The following ZNF83 variants were observed in gnomAD, a reference collection of about 807,000 sequenced individuals.
ZNF83 encodes the protein zinc finger protein 816B.
For missense variants in ZNF83, 552 were observed against 629.9 expected, an observed-to-expected ratio of 0.88 and a Z score of 1.32; for synonymous variants, 209 against 213.0, an observed-to-expected ratio of 0.98 and a Z score of 0.17.
intron 1 of ZNF83, among the ~76,000 whole-genome samples, chr19:52,682,755 A>G (rs1222989602): frequency 1.3e-5 from 2 of 152,160 alleles, no homozygotes; most frequent in Admixed American, 6.6e-5. Context: ...CTATCCTTCT[A>G]GCTCTTTGGG....
chr19:52,643,780 A>G lies in ZNF83; in HGVS notation c.-73-8627T>C, dbSNP rs556078232. ...AATCTTCAGATGGGGGTGGGAGGGCATGGGAGACATCTCTGAGCCTAGACC... is the reference window on the plus strand; with the variant it reads ...AATCTTCAGATGGGGGTGGGAGGGCGTGGGAGACATCTCTGAGCCTAGACC... On this transcript the variant is annotated intron_variant, in intron 3 of 5. Transcript: ENST00000594682. 3.5e-5 allele frequency among the ~76,000 whole-genome samples: 5 copies of G among 142,896 alleles called. No homozygotes were observed. The East Asian group carries it at 7.3e-4, about 21-fold the overall frequency. 93.7% of individuals were successfully genotyped at this position (142,896 alleles called of 152,430 possible). A position where few individuals can be genotyped will look rare whatever the true frequency, so the allele number is the denominator to read the frequency against.
intron 2 of ZNF83, among the ~76,000 whole-genome samples, chr19:52,619,341 C>T (rs1466588986): frequency 2.0e-5 from 3 of 151,996 alleles, no homozygotes; most frequent in African/African-American, 7.2e-5. Flanking sequence ...ATGTTAGAAA[C>T]TTTTGGCCAG....
intron 1 of ZNF83, among the ~76,000 whole-genome samples, chr19:52,672,609 T>G (rs1017806851): frequency 2.1e-4 from 32 of 152,296 alleles, no homozygotes; most frequent in African/African-American, 5.3e-4. Context: ...AGTTACTTAT[T>G]TATTTTTGAG....
At chr19:52,656,154 G>A (rs533390610) in intron 2 of ZNF83, among the ~76,000 whole-genome samples, 1 of 152,004 alleles carries the variant, frequency 6.6e-6, no homozygotes, top group African/African-American at 2.4e-5. Flanking sequence ...CAAAGGTTGC[G>A]GTGAGCTGAG....
At chr19:52,616,898 C>CT (rs2060327979) in intron 2 of ZNF83, 1 of 152,098 alleles carries the variant, frequency 6.6e-6, no homozygotes, top group Non-Finnish European at 1.5e-5. Context: ...ATGGATGGAG[C>CT]TGGAAGCCAT....
chr19:52,653,349 T>A, intron 3 of ZNF83: 1 of 1,214,646 alleles, frequency 8.2e-7, no homozygotes, highest in South Asian at 1.2e-5. Context: ...TCTGATGTTG[T>A]GCAAGGTATG....
At chr19:52,641,677 G>GT (rs1486587551), upstream of ZNF83, among the ~76,000 whole-genome samples, 6 of 152,044 alleles carry the variant, frequency 3.9e-5, 1 homozygote, top group African/African-American at 1.4e-4. Context: ...TTTTGTGCTA[G>GT]TTTTTTTCCT....
intron 3 of ZNF83, chr19:52,655,407 G>C: frequency 2.7e-6 from 2 of 747,474 alleles, no homozygotes; most frequent in Admixed American, 4.7e-5. Context: ...CTAAGAAGCT[G>C]TCTATGACAG....
chr19:52,616,982 A>G (rs1326432033), intron 2 of ZNF83: 1 of 152,166 alleles, frequency 6.6e-6, no homozygotes, highest in African/African-American at 2.4e-5. Context: ...GAGTTGAACG[A>G]TTAGAACACA....
intron 1 of ZNF83, among the ~76,000 whole-genome samples, chr19:52,663,076 T>A (rs1226877378): frequency 6.6e-6 from 1 of 151,904 alleles, no homozygotes; most frequent in African/African-American, 2.4e-5. Context: ...CCAGGGAGGA[T>A]CACTTGGACC....
chr19:52,614,016 G>T (rs780969754), exon 3 of ZNF83: 3 of 1,613,006 alleles, frequency 1.9e-6, no homozygotes, highest in East Asian at 2.2e-5. Context: ...TAAAGACCTT[G>T]CCACATTCAT....
At chr19:52,614,586 T>C (rs751245260) in exon 3 of ZNF83, 1 of 1,559,138 alleles carries the variant, frequency 6.4e-7, no homozygotes, top group Non-Finnish European at 8.7e-7. Context: ...CAATGAGACT[T>C]TCCTTATAGG....
chr19:52,671,416 A>T (rs2061723405), intron 1 of ZNF83, among the ~76,000 whole-genome samples: 1 of 152,222 alleles, frequency 6.6e-6, no homozygotes, highest in Non-Finnish European at 1.5e-5. Context: ...TGAAAAAATT[A>T]GAAAATGTAC....
intron 2 of ZNF83, among the ~76,000 whole-genome samples, chr19:52,630,244 A>G (rs1465639804): frequency 6.6e-6 from 1 of 152,170 alleles, no homozygotes; most frequent in African/African-American, 2.4e-5. Flanking sequence ...TTAGTGGCTG[A>G]AGACTGACAC....
chr19:52,631,772 G>A (rs913418019), intron 2 of ZNF83, among the ~76,000 whole-genome samples: 3 of 152,102 alleles, frequency 2.0e-5, no homozygotes, highest in Admixed American at 6.5e-5. Flanking sequence ...GTTCCACCAG[G>A]CCTAATCGCC....
intron 1 of ZNF83, among the ~76,000 whole-genome samples, chr19:52,685,203 G>A (rs533016265): frequency 6.6e-6 from 1 of 152,128 alleles, no homozygotes; most frequent in Non-Finnish European, 1.5e-5. Context: ...GGGTCACTCA[G>A]GGTGAGCTTT....
chr19:52,652,842 G>T (rs2061459909), intron 3 of ZNF83: 2 of 950,130 alleles, frequency 2.1e-6, no homozygotes. Context: ...GTCTATGATG[G>T]CATACAAAGG....
In ZNF83 at chr19:52,635,000, C is replaced by T; in HGVS notation, c.-234+66G>A. 3 of 719,252 alleles carry T rather than the reference C, an allele frequency of 4.2e-6. No individual in the cohort carries two copies. In the South Asian group the frequency reaches 4.7e-5, roughly 11 times the overall value. 44.6% of individuals were successfully genotyped at this position (719,252 alleles called of 1,614,324 possible). ...CTTCTTGAGACCCAGAGAAGATTCC[C>T]AACTCCAAGGCCCAGGGTTTCTGAA... is the stretch of plus-strand genomic sequence containing the variant. On this transcript the variant is annotated intron_variant, in intron 2 of 2. Coordinates refer to ENST00000301096, the Ensembl canonical transcript of ZNF83.
chr19:52,659,220 G>A (rs1049058563), intron 2 of ZNF83, among the ~76,000 whole-genome samples: 6 of 152,034 alleles, frequency 3.9e-5, no homozygotes, highest in African/African-American at 1.5e-4. Context: ...TGAAGGAAGC[G>A]TGAGGACCGC....
Sources: gnomAD v4.1 joint callset for allele counts (sites outside exome capture counted in the v4.1 genomes callset) on GRCh38, gnomAD v4.1.1 for gene constraint, MANE v1.5 for transcripts, NCBI Gene and HGNC (gene_info 2026-07-23, HGNC 2026-07-21) for gene names.